The following ENOX1 variants were observed in gnomAD, a reference collection of about 807,000 sequenced individuals.
ENOX1 encodes the protein candidate growth-related and time keeping constitutive hydroquinone (NADH) oxidase.
Under a neutral mutation model 82.5 loss-of-function variants are expected in ENOX1, and 42 were observed. That is an observed-to-expected ratio of 0.51 (90% CI 0.40 to 0.66). The LOEUF (loss-of-function observed/expected upper bound fraction) is 0.66, where lower values mean the gene tolerates loss of function less well. ENOX1 is among the 30% of genes least tolerant of loss of function. The pLI is 0.00. For synonymous variants in ENOX1, 271 were observed against 282.2 expected (o/e 0.96, Z 0.40); for missense variants, 608 against 811.6 (o/e 0.75, Z 3.05).
intron 14 of ENOX1, among the ~76,000 whole-genome samples, chr13:43,236,941 C>T (rs745470940): frequency 7.9e-5 from 12 of 152,192 alleles, no homozygotes; most frequent in Admixed American, 3.9e-4. Context: ...TACTGCTCCC[C>T]GCATACCAAG....
chr13:43,455,972 G>T (rs1331657677), intron 3 of ENOX1, among the ~76,000 whole-genome samples: 2 of 152,128 alleles, frequency 1.3e-5, no homozygotes, highest in African/African-American at 2.4e-5. Flanking sequence ...TCTTGGGTGT[G>T]TCTTTATCAG....
At chr13:43,222,835 C>T (rs963421141) in intron 16 of ENOX1, among the ~76,000 whole-genome samples, 4 of 152,164 alleles carry the variant, frequency 2.6e-5, no homozygotes, top group African/African-American at 9.7e-5. Context: ...CTGAGTTTAA[C>T]ATGAATGCTT....
At chr13:43,460,842 C>A (rs1382660201) in intron 3 of ENOX1, among the ~76,000 whole-genome samples, 1 of 128,310 alleles carries the variant, frequency 7.8e-6, no homozygotes, top group Non-Finnish European at 1.6e-5. Flanking sequence ...AGGGATAGCT[C>A]TCTACAAACC....
chr13:43,563,600 G>C (rs141520937), intron 2 of ENOX1, among the ~76,000 whole-genome samples: 4 of 151,844 alleles, frequency 2.6e-5, no homozygotes, highest in African/African-American at 9.7e-5. Flanking sequence ...TTGGTTTTTC[G>C]AAAAGTTAAA....
intron 2 of ENOX1, among the ~76,000 whole-genome samples, chr13:43,570,205 G>A (rs755793746): frequency 4.6e-5 from 7 of 152,174 alleles, no homozygotes; most frequent in African/African-American, 9.7e-5. Flanking sequence ...AGATAGTCAC[G>A]TTTCAAAGTC....
chr13:43,627,629 C>T (rs1308877499), intron 2 of ENOX1, among the ~76,000 whole-genome samples: 2 of 152,008 alleles, frequency 1.3e-5, no homozygotes. Context: ...CTTCAACTAC[C>T]AAATATATTT....
chr13:43,278,715 G>A (rs1470937639), intron 12 of ENOX1, among the ~76,000 whole-genome samples: 16 of 151,986 alleles, frequency 1.1e-4, no homozygotes. Flanking sequence ...ATGATTTACT[G>A]GACAATTATT....
At chr13:43,265,549 T>C (rs774749603) in intron 13 of ENOX1, 95 bp from the exon 14 acceptor site, 2 of 1,052,584 alleles carry the variant, frequency 1.9e-6, no homozygotes, top group South Asian at 2.9e-5. Flanking sequence ...TTATCTGAGG[T>C]TGCATTTTAT....
At chr13:43,679,565 T>G (rs535679595) in intron 1 of ENOX1, among the ~76,000 whole-genome samples, 2 of 152,324 alleles carry the variant, frequency 1.3e-5, no homozygotes, top group South Asian at 4.1e-4. Context: ...CTATTTGTAG[T>G]TTCTATTTGG....
At chr13:43,510,564 C>A (rs2077330410) in intron 2 of ENOX1, among the ~76,000 whole-genome samples, 1 of 152,096 alleles carries the variant, frequency 6.6e-6, no homozygotes, top group African/African-American at 2.4e-5. Flanking sequence ...CCTGTTGGGG[C>A]CCGCTCCTAA....
intron 2 of ENOX1, among the ~76,000 whole-genome samples, chr13:43,616,206 T>A (rs200683275): frequency 0.1 from 766 of 7,454 alleles, 94 homozygotes; most frequent in East Asian, 0.31. Flanking sequence ...ATATATATAT[T>A]TTTTTTTTTT....
chr13:43,509,221 G>A (rs911218579), intron 2 of ENOX1, among the ~76,000 whole-genome samples: 2 of 151,978 alleles, frequency 1.3e-5, no homozygotes, highest in African/African-American at 2.4e-5. Flanking sequence ...TTAAAAATAT[G>A]AGGTGAATAA....
chr13:43,272,763 C>T (rs931234223), intron 12 of ENOX1, among the ~76,000 whole-genome samples: 3 of 152,210 alleles, frequency 2.0e-5, no homozygotes, highest in Admixed American at 6.5e-5. Context: ...GACCCAGGCA[C>T]TGACCATTTT....
intron 1 of ENOX1, among the ~76,000 whole-genome samples, chr13:43,742,767 T>G (rs1361340514): frequency 6.6e-6 from 1 of 152,174 alleles, no homozygotes; most frequent in Non-Finnish European, 1.5e-5. Flanking sequence ...GTTTTGGAAG[T>G]TGAGCTGATA....
chr13:43,655,297 G>A (rs549318788), intron 2 of ENOX1, among the ~76,000 whole-genome samples: 6 of 152,236 alleles, frequency 3.9e-5, no homozygotes, highest in Admixed American at 1.3e-4. Flanking sequence ...GAAGAGAACC[G>A]ACCTGTTCCA....
At chr13:43,550,623 T>C (rs528799011) in intron 2 of ENOX1, among the ~76,000 whole-genome samples, 1 of 152,176 alleles carries the variant, frequency 6.6e-6, no homozygotes, top group African/African-American at 2.4e-5. Flanking sequence ...GCCTCAGCTA[T>C]CACAAAAACT....
intron 11 of ENOX1, among the ~76,000 whole-genome samples, chr13:43,308,193 G>A (rs911894924): frequency 5.3e-5 from 8 of 152,220 alleles, no homozygotes; most frequent in African/African-American, 1.9e-4. Flanking sequence ...CAGTGAACCA[G>A]AGGATACTCC....
intron 5 of ENOX1, among the ~76,000 whole-genome samples, chr13:43,372,674 AT>A (rs1172880739): frequency 1.3e-5 from 2 of 152,244 alleles, no homozygotes; most frequent in African/African-American, 4.8e-5. Flanking sequence ...CTCATCTGCT[AT>A]TAAAATTTTA....
At chr13:43,709,807 G>T (rs865868923) in intron 1 of ENOX1, among the ~76,000 whole-genome samples, 1 of 152,096 alleles carries the variant, frequency 6.6e-6, no homozygotes, top group African/African-American at 2.4e-5. Context: ...CATCAAAATT[G>T]TTTGAGATAA....
Sources: allele counts gnomAD v4.1 joint callset (sites outside exome capture counted in the v4.1 genomes callset), GRCh38; gene constraint gnomAD v4.1.1; transcripts MANE v1.5; gene names NCBI Gene and HGNC (gene_info 2026-07-23, HGNC 2026-07-21).